The following CCSER1 variants were observed in gnomAD, a reference collection of about 807,000 sequenced individuals.
CCSER1 encodes coiled-coil serine rich protein 1.
In CCSER1, 41 loss-of-function variants were observed where a neutral mutation model predicts 82.0. That is an observed-to-expected ratio of 0.50 (90% CI 0.39 to 0.65). The LOEUF is 0.65. Ranked by LOEUF, CCSER1 falls within the 30% of genes least tolerant of loss-of-function variation. The pLI, the probability that CCSER1 is intolerant of heterozygous loss-of-function variation, is 0.00. For missense variants in CCSER1, 1,119 were observed against 1,064.2 expected (o/e 1.05, Z -0.72); for synonymous variants, 414 against 383.9 (o/e 1.08, Z -0.92).
At chr4:91,389,074 A>G (rs1751488984) in intron 10 of CCSER1, among the ~76,000 whole-genome samples, 1 of 151,862 alleles carries the variant, frequency 6.6e-6, no homozygotes, top group Non-Finnish European at 1.5e-5. Flanking sequence ...TGCAGGGCAG[A>G]GTTTCTGAAT....
intron 3 of CCSER1, among the ~76,000 whole-genome samples, chr4:90,329,558 T>C (rs1738896809): frequency 6.6e-6 from 1 of 152,150 alleles, no homozygotes; most frequent in Non-Finnish European, 1.5e-5. Flanking sequence ...AATTCCTAAA[T>C]GTTCAAGTTA....
intron 1 of CCSER1, among the ~76,000 whole-genome samples, chr4:90,245,615 T>C (rs1406679645): frequency 6.6e-6 from 1 of 152,138 alleles, no homozygotes; most frequent in African/African-American, 2.4e-5. Context: ...CAAGGTAACC[T>C]TTATGTTATA....
intron 1 of CCSER1, among the ~76,000 whole-genome samples, chr4:90,206,773 T>A (rs1738917503): frequency 2.2e-5 from 1 of 45,088 alleles, no homozygotes; most frequent in African/African-American, 3.7e-4. Flanking sequence ...CTCATTGATC[T>A]GTCTAATATT....
intron 10 of CCSER1, among the ~76,000 whole-genome samples, chr4:91,321,645 C>T (rs1474991561): frequency 6.6e-6 from 1 of 151,900 alleles, no homozygotes; most frequent in Non-Finnish European, 1.5e-5. Flanking sequence ...TAGCTTTCAA[C>T]TTAAGGTTTT....
intron 1 of CCSER1, among the ~76,000 whole-genome samples, chr4:90,166,925 C>A (rs1193740002): frequency 1.3e-5 from 2 of 151,508 alleles, no homozygotes; most frequent in East Asian, 1.9e-4. Flanking sequence ...TTTTTAGTTT[C>A]TTTTAAAATA....
intron 5 of CCSER1, among the ~76,000 whole-genome samples, chr4:90,579,144 A>T (rs1781127842): frequency 6.7e-6 from 1 of 150,264 alleles, no homozygotes; most frequent in Non-Finnish European, 1.5e-5. Flanking sequence ...GGTCACACAG[A>T]AGAATATTTT....
intron 5 of CCSER1, among the ~76,000 whole-genome samples, chr4:90,604,592 C>A (rs1265272074): frequency 6.6e-6 from 1 of 152,208 alleles, no homozygotes; most frequent in Admixed American, 6.5e-5. Context: ...AGGCGAGCTG[C>A]CCGCTTCCGG....
At chr4:91,419,553 T>C (rs1578409767) in intron 10 of CCSER1, among the ~76,000 whole-genome samples, 3 of 152,002 alleles carry the variant, frequency 2.0e-5, no homozygotes, top group East Asian at 3.9e-4. Flanking sequence ...TGAAAGAAAT[T>C]GAAGAAGGCA....
intron 6 of CCSER1, among the ~76,000 whole-genome samples, chr4:90,712,402 C>T (rs944501088): frequency 1.3e-5 from 2 of 151,892 alleles, no homozygotes; most frequent in African/African-American, 2.4e-5. Flanking sequence ...TATTATTTAC[C>T]CGAAAGTCAT....
At chr4:91,246,545 C>CA (rs1202764083) in intron 10 of CCSER1, among the ~76,000 whole-genome samples, 3 of 152,028 alleles carry the variant, frequency 2.0e-5, no homozygotes, top group Non-Finnish European at 4.4e-5. Flanking sequence ...GGTATATACC[C>CA]AAAAGAAAGG....
At chr4:90,579,223 C>G (rs1275724258) in intron 5 of CCSER1, among the ~76,000 whole-genome samples, 1 of 152,064 alleles carries the variant, frequency 6.6e-6, no homozygotes, top group Non-Finnish European at 1.5e-5. Context: ...CTGAAATACT[C>G]CAACTAATAT....
intron 6 of CCSER1, among the ~76,000 whole-genome samples, chr4:90,655,752 T>C (rs1344973754): frequency 6.6e-6 from 1 of 151,988 alleles, no homozygotes; most frequent in Non-Finnish European, 1.5e-5. Context: ...TATGTGTGCA[T>C]TTACTCAGAA....
intron 10 of CCSER1, among the ~76,000 whole-genome samples, chr4:91,164,563 A>G (rs1167279484): frequency 6.6e-6 from 1 of 152,222 alleles, no homozygotes; most frequent in African/African-American, 2.4e-5. Flanking sequence ...ACTTTGAAGT[A>G]TACCAATCAA....
At chr4:90,808,914 A>G (rs1163902118) in intron 7 of CCSER1, among the ~76,000 whole-genome samples, 1 of 152,240 alleles carries the variant, frequency 6.6e-6, no homozygotes, top group Non-Finnish European at 1.5e-5. Context: ...AAAAGAAATC[A>G]TTATATCAAA....
At position 90,505,598 on chromosome 4, in the gene CCSER1, G is replaced by A. The variant is rs531570346; in HGVS notation, c.1724+37244G>A. 2.2e-4 allele frequency among the ~76,000 whole-genome samples: 34 copies of A among 152,310 alleles called. No homozygotes were observed. The South Asian group carries it at 5.2e-3, about 23-fold the overall frequency. On this transcript the variant is annotated intron_variant, in intron 5 of 10. Coordinates refer to ENST00000509176, the MANE Select transcript of CCSER1 (RefSeq NM_001145065.2). The stretch of plus-strand genomic sequence containing the variant: ...TTTTTGATCATGTGCTAAACAAGGC[G>A]TGGATTATTCATGAGTTTTGGAAAC...
At chr4:91,582,054 G>T (rs150845302) in intron 10 of CCSER1, among the ~76,000 whole-genome samples, 29 of 151,666 alleles carry the variant, frequency 1.9e-4, no homozygotes, top group African/African-American at 7.0e-4. Context: ...GTTTTGTCAT[G>T]AATAGAATCT....
At chr4:91,166,087 T>A (rs1254551857) in intron 10 of CCSER1, among the ~76,000 whole-genome samples, 3 of 152,232 alleles carry the variant, frequency 2.0e-5, no homozygotes, top group African/African-American at 7.2e-5. Flanking sequence ...ATAGCTAACA[T>A]TTTAAGATTT....
At chr4:90,693,196 T>C (rs1736351600) in intron 6 of CCSER1, among the ~76,000 whole-genome samples, 1 of 151,958 alleles carries the variant, frequency 6.6e-6, no homozygotes, top group African/African-American at 2.4e-5. Flanking sequence ...ATTGTTCTAA[T>C]AGAAGGCCTT....
chr4:91,355,921 T>C (rs576812551), intron 10 of CCSER1, among the ~76,000 whole-genome samples: 6 of 152,182 alleles, frequency 3.9e-5, no homozygotes, highest in Non-Finnish European at 8.8e-5. Context: ...GGGGTTAGGG[T>C]GTTGCAAACT....
Sources: gnomAD v4.1 joint callset for allele counts (sites outside exome capture counted in the v4.1 genomes callset) on GRCh38, gnomAD v4.1.1 for gene constraint, MANE v1.5 for transcripts, NCBI Gene and HGNC (gene_info 2026-07-23, HGNC 2026-07-21) for gene names.